ZCCHC24: variants seen among roughly 807,000 people sequenced by gnomAD.
The protein encoded by ZCCHC24 is zinc finger CCHC-type containing 24.
Under a neutral mutation model 26.2 loss-of-function variants are expected in ZCCHC24, and 10 were observed. The ratio of observed to expected loss-of-function variants is 0.38; its 90% CI spans 0.24 to 0.65. The LOEUF (loss-of-function observed/expected upper bound fraction) is 0.65, where lower values mean the gene tolerates loss of function less well. Among genes scored for constraint, ZCCHC24 ranks in the 30% least tolerant of loss-of-function variants. ZCCHC24 has a pLI of 0.54. For synonymous variants in ZCCHC24, 144 were observed against 147.1 expected (o/e 0.98, Z 0.15); for missense variants, 243 against 329.1 (o/e 0.74, Z 2.03).
chr10:79,401,653 T>A (rs1209561620), intron 2 of ZCCHC24, among the ~76,000 whole-genome samples: 1 of 152,202 alleles, frequency 6.6e-6, no homozygotes, highest in East Asian at 1.9e-4. Context: ...GCCTCAGTTT[T>A]CCCATCTCCA....
At chr10:79,389,261 C>T (rs931250250) in intron 3 of ZCCHC24, among the ~76,000 whole-genome samples, 1 of 152,216 alleles carries the variant, frequency 6.6e-6, no homozygotes, top group Non-Finnish European at 1.5e-5. Context: ...GTTTTGCAGG[C>T]CCAGGACTGA....
intron 2 of ZCCHC24, among the ~76,000 whole-genome samples, chr10:79,424,755 C>T (rs1857002772): frequency 6.6e-6 from 1 of 152,210 alleles, no homozygotes; most frequent in African/African-American, 2.4e-5. Context: ...GCCACACCCC[C>T]ACTCCTCCCC....
At chr10:79,414,663 T>G (rs978250694) in intron 2 of ZCCHC24, among the ~76,000 whole-genome samples, 1 of 152,186 alleles carries the variant, frequency 6.6e-6, no homozygotes, top group African/African-American at 2.4e-5. Flanking sequence ...CCACCACAGC[T>G]GCCAGAGCAC....
intron 2 of ZCCHC24, among the ~76,000 whole-genome samples, chr10:79,418,546 C>A (rs1002658350): frequency 6.6e-6 from 1 of 152,232 alleles, no homozygotes; most frequent in African/African-American, 2.4e-5. Context: ...GGCATAGGGG[C>A]TGCACCATGC....
At chr10:79,444,499 A>G (rs1048772751) in intron 1 of ZCCHC24, among the ~76,000 whole-genome samples, 2 of 146,406 alleles carry the variant, frequency 1.4e-5, no homozygotes, top group Non-Finnish European at 3.0e-5. Context: ...CCCCCTCCCA[A>G]GAGCTCAAGA....
intron 2 of ZCCHC24, among the ~76,000 whole-genome samples, chr10:79,420,636 T>C (rs1856923106): frequency 6.6e-6 from 1 of 151,940 alleles, no homozygotes; most frequent in Non-Finnish European, 1.5e-5. Context: ...AAAATTAGCC[T>C]AGTGTGGTGG....
At chr10:79,397,798 G>A (rs1162433683) in intron 2 of ZCCHC24, among the ~76,000 whole-genome samples, 1 of 152,178 alleles carries the variant, frequency 6.6e-6, no homozygotes, top group Non-Finnish European at 1.5e-5. Context: ...AGGGGTCAAG[G>A]TACCAGAAGG....
At chr10:79,403,666 G>A in intron 2 of ZCCHC24, 1 of 926,566 alleles carries the variant, frequency 1.1e-6, no homozygotes, top group Non-Finnish European at 1.3e-6. Flanking sequence ...CCTTGCCCAG[G>A]GCCCCCTCCC....
intron 1 of ZCCHC24, among the ~76,000 whole-genome samples, chr10:79,441,730 C>T (rs1399737394): frequency 6.6e-6 from 1 of 152,136 alleles, no homozygotes; most frequent in Non-Finnish European, 1.5e-5. Flanking sequence ...CCACAAAGTC[C>T]CTCCCCCAAC....
rs758391557 is a variant in ZCCHC24 at position 79,430,691 on chromosome 10, C to CACACACACACACACACAA, written c.447+1866_447+1867insTTGTGTGTGTGTGTGTGT. Among the ~76,000 whole-genome samples the CACACACACACACACACAA allele has an allele frequency of 1.5e-4, 22 of 150,820 alleles. No individual in the cohort carries two copies. In the South Asian group the frequency reaches 4.2e-3, roughly 29 times the overall value. On this transcript the variant is annotated intron_variant, in intron 2 of 3. Coordinates refer to ENST00000372336, the MANE Select transcript of ZCCHC24 (RefSeq NM_153367.4). ...CATACACTCACACACACACACCACA[C>CACACACACACACACACAA]ACACACACACACACACACACACCCT... is the stretch of plus-strand genomic sequence containing the variant.
chr10:79,430,743 A>T (rs1857116212), intron 2 of ZCCHC24, among the ~76,000 whole-genome samples: 1 of 148,602 alleles, frequency 6.7e-6, no homozygotes, highest in Non-Finnish European at 1.5e-5. Context: ...TCTGGCTCAC[A>T]TCCATTGCCT....
rs1262465495 is a variant in ZCCHC24, at chr10:79,386,169, G to A, written c.*176C>T. The A allele has an allele frequency of 1.6e-6, 1 of 631,690 alleles. No individual in the cohort carries two copies. The highest frequency in any genetic ancestry group is 2.9e-6 in the Non-Finnish European group (1 of 344,206). 39.1% of individuals were successfully genotyped at this position (631,690 alleles called of 1,614,324 possible). A position where few individuals can be genotyped will look rare whatever the true frequency, so the allele number is the denominator to read the frequency against. ...TGGCCTGTGGGGGGCAGCAATGTCA[G>A]TAACACTGTTTGTCAACACACACAA... On this transcript the variant is annotated 3_prime_UTR_variant, in exon 4 of 4. Coordinates refer to ENST00000372336, the MANE Select transcript of ZCCHC24 (RefSeq NM_153367.4).
chr10:79,423,065 T>C (rs1269018845), intron 2 of ZCCHC24, among the ~76,000 whole-genome samples: 2 of 152,154 alleles, frequency 1.3e-5, no homozygotes, highest in African/African-American at 4.8e-5. Context: ...TGTGGGCATG[T>C]GGACCCTCCC....
intron 2 of ZCCHC24, among the ~76,000 whole-genome samples, chr10:79,422,935 G>T (rs987601131): frequency 1.3e-5 from 2 of 152,078 alleles, no homozygotes; most frequent in Admixed American, 1.3e-4. Flanking sequence ...GCATGGCTGG[G>T]CCTGACAGCC....
intron 2 of ZCCHC24, among the ~76,000 whole-genome samples, chr10:79,396,715 C>T (rs895715980): frequency 6.6e-5 from 10 of 152,198 alleles, no homozygotes; most frequent in African/African-American, 2.2e-4. Context: ...TATGCCATTA[C>T]GTTAAAGAAG....
At chr10:79,414,269 C>T (rs190491739) in intron 2 of ZCCHC24, among the ~76,000 whole-genome samples, 20 of 152,310 alleles carry the variant, frequency 1.3e-4, no homozygotes, top group Admixed American at 3.9e-4. Context: ...CTTGGAGTCT[C>T]TAGAATTTGG....
intron 2 of ZCCHC24, among the ~76,000 whole-genome samples, chr10:79,414,066 T>C (rs1262963938): frequency 3.9e-5 from 6 of 152,174 alleles, no homozygotes; most frequent in Admixed American, 3.9e-4. Flanking sequence ...CCCTCACCCC[T>C]TCCACCAAGA....
intron 1 of ZCCHC24, among the ~76,000 whole-genome samples, chr10:79,437,695 G>A (rs1191520195): frequency 2.0e-5 from 3 of 152,246 alleles, no homozygotes; most frequent in African/African-American, 7.2e-5. Flanking sequence ...TGAAGGACCA[G>A]TGTCTCTGCG....
intron 1 of ZCCHC24, among the ~76,000 whole-genome samples, chr10:79,440,281 A>G (rs896251170): frequency 6.6e-6 from 1 of 152,216 alleles, no homozygotes. Flanking sequence ...GAAGCAGTAG[A>G]AAGTGCTCAG....
Sources: allele counts gnomAD v4.1 joint callset (sites outside exome capture counted in the v4.1 genomes callset), GRCh38; gene constraint gnomAD v4.1.1; transcripts MANE v1.5; gene names NCBI Gene and HGNC (gene_info 2026-07-23, HGNC 2026-07-21).